Variants in STXBP5L observed in about 807,000 individuals in gnomAD.
STXBP5L encodes syntaxin-binding protein 5-like.
STXBP5L carries 65 observed loss-of-function variants against 144.5 expected under a neutral mutation model. The ratio of observed to expected loss-of-function variants is 0.45; its 90% confidence interval spans 0.37 to 0.55. The LOEUF (loss-of-function observed/expected upper bound fraction) is 0.55. Ranked by LOEUF, STXBP5L falls within the 20% of genes least tolerant of loss-of-function variation. The pLI, the probability that STXBP5L is intolerant of heterozygous loss-of-function variation, is 0.00. For synonymous variants in STXBP5L, 505 were observed against 469.6 expected, an observed-to-expected ratio of 1.08 and a Z score of -0.97; for missense variants, 1,298 against 1,405.5, an observed-to-expected ratio of 0.92 and a Z score of 1.22.
intron 18 of STXBP5L, among the ~76,000 whole-genome samples, chr3:121,260,591 A>G (rs2050352359): frequency 6.6e-6 from 1 of 152,118 alleles, no homozygotes; most frequent in South Asian, 2.1e-4. Context: ...AGTATAAGAT[A>G]TGAAGTAAGT....
chr3:121,300,793 C>A (rs1238591818), intron 19 of STXBP5L, among the ~76,000 whole-genome samples: 2 of 151,602 alleles, frequency 1.3e-5, no homozygotes, highest in Non-Finnish European at 2.9e-5. Context: ...TAAACTTAAC[C>A]CCATCAAAGA....
intron 20 of STXBP5L, among the ~76,000 whole-genome samples, chr3:121,353,671 T>C (rs1025377929): frequency 2.6e-5 from 4 of 152,182 alleles, no homozygotes; most frequent in Non-Finnish European, 5.9e-5. Flanking sequence ...GTTTTTTGTG[T>C]CTTTATCTCT....
At position 121,159,395 on chromosome 3, in the gene STXBP5L, T is replaced by C. The variant is rs183531385; in HGVS notation, c.877+1768T>C. The stretch of plus-strand genomic sequence containing the variant: ...GTTGCCCAGGCTGGTCCTAAGCTTC[T>C]GGAGGCCTCAAGTGATCCTCCCTCT... On this transcript the variant is annotated intron_variant, in intron 9 of 26. Transcript: ENST00000471454. Among the ~76,000 whole-genome samples the C allele has an allele frequency of 2.6e-3, 392 of 152,082 alleles. 2 individuals are homozygous for C. The South Asian group carries it at 0.026, about 10-fold the overall frequency.
At chr3:121,355,203 C>G (rs1342239472) in intron 20 of STXBP5L, among the ~76,000 whole-genome samples, 1 of 152,118 alleles carries the variant, frequency 6.6e-6, no homozygotes, top group Non-Finnish European at 1.5e-5. Context: ...TTGTAGTGTT[C>G]TCTATATTTC....
At chr3:121,102,601 C>G (rs2043489098) in intron 5 of STXBP5L, among the ~76,000 whole-genome samples, 1 of 152,012 alleles carries the variant, frequency 6.6e-6, no homozygotes, top group Non-Finnish European at 1.5e-5. Flanking sequence ...TATAAGAATC[C>G]TAGAAATCTT....
chr3:121,338,608 A>AAG (rs1288442739), intron 20 of STXBP5L, among the ~76,000 whole-genome samples: 35 of 147,178 alleles, frequency 2.4e-4, no homozygotes, highest in Admixed American at 8.9e-4. Context: ...AAAAAAAAAA[A>AAG]AGAGAGAAAG....
chr3:120,977,568 T>C (rs1941217336), intron 3 of STXBP5L, among the ~76,000 whole-genome samples: 1 of 152,222 alleles, frequency 6.6e-6, no homozygotes, highest in African/African-American at 2.4e-5. Context: ...TTGTTATGTG[T>C]GAATTTGATC....
rs554245825 is a variant in STXBP5L, at chr3:121,054,488, G to T, written c.470+8953G>T. Among the ~76,000 whole-genome samples, 6 of 150,176 alleles carry T rather than the reference G, an allele frequency of 4.0e-5. No individual in the cohort carries two copies. The South Asian group carries it at 1.3e-3, about 32-fold the overall frequency. On this transcript the variant is annotated intron_variant, in intron 5 of 26. Transcript: ENST00000471454. ...CATCATCTCAGCAAACTATCACAAGGACAAGAAAGCAAACACCGCATGTTC... is the reference window on the plus strand; with the variant it reads ...CATCATCTCAGCAAACTATCACAAGTACAAGAAAGCAAACACCGCATGTTC...
chr3:121,282,789 T>A (rs2051103871), intron 19 of STXBP5L, among the ~76,000 whole-genome samples: 1 of 152,062 alleles, frequency 6.6e-6, no homozygotes, highest in African/African-American at 2.4e-5. Context: ...ATTATATTCC[T>A]TGAAGATAAC....
At chr3:121,246,667 A>C (rs1056331770) in intron 14 of STXBP5L, among the ~76,000 whole-genome samples, 1 of 152,218 alleles carries the variant, frequency 6.6e-6, no homozygotes, top group African/African-American at 2.4e-5. Context: ...TGTAACAGCC[A>C]AAAACTGAAA....
intron 19 of STXBP5L, among the ~76,000 whole-genome samples, chr3:121,287,553 G>A (rs1041914900): frequency 4.6e-5 from 7 of 152,082 alleles, no homozygotes; most frequent in South Asian, 2.1e-4. Flanking sequence ...TTGATGGGCC[G>A]GGCGCGGTGG....
intron 3 of STXBP5L, among the ~76,000 whole-genome samples, chr3:120,970,245 A>G (rs996438375): frequency 2.6e-5 from 4 of 152,080 alleles, no homozygotes; most frequent in African/African-American, 9.7e-5. Flanking sequence ...ACAGTTTTAG[A>G]ATATTCTGAA....
intron 3 of STXBP5L, among the ~76,000 whole-genome samples, chr3:120,966,537 T>A (rs980398361): frequency 2.8e-4 from 42 of 152,188 alleles, no homozygotes; most frequent in African/African-American, 9.6e-4. Flanking sequence ...AACAGTCAGG[T>A]CCCTCAACTG....
chr3:121,417,151 G>T (rs1337881414), intron 25 of STXBP5L, among the ~76,000 whole-genome samples: 1 of 152,148 alleles, frequency 6.6e-6, no homozygotes, highest in African/African-American at 2.4e-5. Context: ...ATTAATGATT[G>T]CCAGGGGCTG....
At chr3:121,243,639 AG>A (rs2049745667) in intron 14 of STXBP5L, among the ~76,000 whole-genome samples, 1 of 151,958 alleles carries the variant, frequency 6.6e-6, no homozygotes, top group Non-Finnish European at 1.5e-5. Flanking sequence ...ATTTATGCCA[AG>A]ATAACTTTGC....
chr3:121,408,711 C>T (rs1022864296), intron 23 of STXBP5L, among the ~76,000 whole-genome samples: 8 of 151,802 alleles, frequency 5.3e-5, no homozygotes, highest in Admixed American at 3.3e-4. Flanking sequence ...GGTAATTAAC[C>T]TTCTCTAGCC....
At chr3:121,071,839 A>G (rs1422368525) in intron 5 of STXBP5L, among the ~76,000 whole-genome samples, 1 of 152,224 alleles carries the variant, frequency 6.6e-6, no homozygotes, top group South Asian at 2.1e-4. Context: ...CTGAGTTATC[A>G]TCAGGGGTGC....
In STXBP5L at chr3:121,045,516, C is replaced by A; in HGVS notation, c.451C>A (p.Leu151Ile). ...AAAAAGGCCAGCCATACTCCATTCT[C>A]TTAAATTTAACCGGGAACGGTAAGA... ...RQKRPAILHS[L>I]KFNRERITYC... Residue 151 changes from leucine to isoleucine, a missense_variant, in exon 5 of 27, where the codon CTT (leucine) becomes ATT (isoleucine). Physicochemically the swap from Leu to Ile is conservative, Grantham distance 5 (BLOSUM62 2). Transcript: ENST00000471454. 6.2e-7 allele frequency: 1 copy of A among 1,612,396 alleles called. No individual in the cohort carries two copies. The highest frequency in any genetic ancestry group is 8.5e-7 in the Non-Finnish European group (1 of 1,179,168).
chr3:121,201,913 AC>A (rs2048154204), intron 9 of STXBP5L, among the ~76,000 whole-genome samples: 1 of 152,086 alleles, frequency 6.6e-6, no homozygotes. Context: ...GTGCCACCAC[AC>A]CTGGCTAATT....
Sources: gnomAD v4.1 joint callset for allele counts (sites outside exome capture counted in the v4.1 genomes callset) on GRCh38, gnomAD v4.1.1 for gene constraint, MANE v1.5 for transcripts, NCBI Gene and HGNC (gene_info 2026-07-23, HGNC 2026-07-21) for gene names.